NFATC2: variants seen among roughly 807,000 people sequenced by gnomAD.
NFATC2 encodes nuclear factor of activated T-cells, cytoplasmic 2.
Under a neutral mutation model 87.3 loss-of-function variants are expected in NFATC2, and 22 were observed. The observed-to-expected ratio is 0.25, with a 90% CI of 0.18 to 0.36. The LOEUF is 0.36. Among genes scored for constraint, NFATC2 ranks in the 10% least tolerant of loss-of-function variants. NFATC2 has a pLI of 1.00. For missense variants in NFATC2, 1,149 were observed against 1,259.1 expected (o/e 0.91, Z 1.32); for synonymous variants, 565 against 542.2 (o/e 1.04, Z -0.58).
At chr20:51,438,591 C>T (rs1444744420) in intron 6 of NFATC2, among the ~76,000 whole-genome samples, 1 of 152,150 alleles carries the variant, frequency 6.6e-6, no homozygotes, top group East Asian at 1.9e-4. Flanking sequence ...CAATAAGTGG[C>T]AGATGAAACA....
chr20:51,527,754 C>A (rs573614673), intron 1 of NFATC2, among the ~76,000 whole-genome samples: 1 of 152,240 alleles, frequency 6.6e-6, no homozygotes, highest in East Asian at 1.9e-4. Context: ...ATTCCAAACA[C>A]ACGTGCCCCC....
At chr20:51,400,857 G>A (rs974099387) in intron 9 of NFATC2, among the ~76,000 whole-genome samples, 1 of 151,924 alleles carries the variant, frequency 6.6e-6, no homozygotes, top group African/African-American at 2.4e-5. Flanking sequence ...CTAGCATTGG[G>A]TAGAGACCAG....
At chr20:51,529,955 T>C (rs1179054040) in intron 1 of NFATC2, among the ~76,000 whole-genome samples, 1 of 152,196 alleles carries the variant, frequency 6.6e-6, no homozygotes, top group East Asian at 1.9e-4. Context: ...GTATAACTCA[T>C]ATACACAGAT....
intron 3 of NFATC2, among the ~76,000 whole-genome samples, chr20:51,479,946 A>C (rs771980033): frequency 2.0e-5 from 3 of 152,182 alleles, no homozygotes; most frequent in Non-Finnish European, 4.4e-5. Context: ...CAGAAAGGGC[A>C]GGTCCTCAAA....
chr20:51,498,616 A>G (rs1398740744), intron 3 of NFATC2, among the ~76,000 whole-genome samples: 2 of 151,944 alleles, frequency 1.3e-5, no homozygotes, highest in African/African-American at 2.4e-5. Context: ...GCGAAACCCC[A>G]TCCTTACTAA....
At chr20:51,427,261 C>G (rs1981972289) in intron 9 of NFATC2, among the ~76,000 whole-genome samples, 4 of 152,126 alleles carry the variant, frequency 2.6e-5, no homozygotes, top group Admixed American at 2.6e-4. Flanking sequence ...CAGCACAGCT[C>G]CTAGAATGCA....
At position 51,432,448 on chromosome 20, in the gene NFATC2, G is replaced by T; in HGVS notation, c.2341C>A (p.His781Asn). The T allele has an allele frequency of 1.3e-6, 2 of 1,571,742 alleles. No individual in the cohort carries two copies. The highest frequency in any genetic ancestry group is 1.7e-6 in the Non-Finnish European group (2 of 1,157,084). ...CCGGCGTGCACCAGCACAGAGCGGT[G>T]AGCGTCCGCAAGGGACAGCGGGGCG... ...MAAPLSLADA[H>N]RSVLVHAGSQ... is the part of the protein sequence containing the mutation. The change falls in exon 9 of 11, where the codon CAC becomes AAC. Residue 781 changes from histidine (H) to asparagine (N), a missense_variant. Transcript: ENST00000371564. This position sits in a 1 kb window ranked among gnomAD's most constrained non-coding sequence, Gnocchi z 4.6.
chr20:51,502,777 G>A (rs1304247659), intron 3 of NFATC2, among the ~76,000 whole-genome samples: 6 of 152,172 alleles, frequency 3.9e-5, no homozygotes, highest in African/African-American at 1.4e-4. Flanking sequence ...ACCTGATACA[G>A]GTTCCAAAAA....
rs1402394916 is a variant in NFATC2, at chr20:51,454,691, G to A, written c.1709-3C>T. On this transcript the variant is annotated splice_region_variant and splice_polypyrimidine_tract_variant and intron_variant, in intron 5 of 10. Transcript: ENST00000371564. ...CAGCTCGTGAGCAGATCGCTGGGCT[G>A]CAGGCAAAAGAGAGAGAAGTCACTG... 3.1e-6 allele frequency: 5 copies of A among 1,613,522 alleles called. No homozygotes were observed. Among genetic ancestry groups the A allele is most frequent in the Admixed American group, 1.7e-5 (1 of 59,940 alleles).
At position 51,464,862 on chromosome 20, in the gene NFATC2, C is replaced by G. The variant is rs1987518210; in HGVS notation, c.1708+9118G>C. 3.3e-5 allele frequency among the ~76,000 whole-genome samples: 5 copies of G among 152,236 alleles called. No homozygotes were observed. In the South Asian group the frequency reaches 1.0e-3, roughly 32 times the overall value. On this transcript the variant is annotated intron_variant, in intron 5 of 10. Coordinates refer to ENST00000371564, the MANE Select transcript of NFATC2 (RefSeq NM_012340.5). ...TTACCACTGGCTTGCCCCTCACTAG[C>G]TGGATGGCCACAGGCAAGCTCACTT...
intron 6 of NFATC2, among the ~76,000 whole-genome samples, chr20:51,436,102 T>C (rs1440931744): frequency 2.6e-5 from 4 of 152,076 alleles, no homozygotes; most frequent in Non-Finnish European, 5.9e-5. Flanking sequence ...TGAGGACTAA[T>C]GTAGGTGGGA....
At chr20:51,556,849 C>T (rs2076982737) in intron 1 of NFATC2, among the ~76,000 whole-genome samples, 1 of 152,156 alleles carries the variant, frequency 6.6e-6, no homozygotes, top group African/African-American at 2.4e-5. Context: ...AGGAAAGGAG[C>T]CCCGGATAGG....
chr20:51,542,577 T>C lies in NFATC2; in HGVS notation c.-78A>G. 1 of 1,255,034 alleles carries C rather than the reference T, an allele frequency of 8.0e-7. No homozygotes were observed. The highest frequency in any genetic ancestry group is 1.0e-6 in the Non-Finnish European group (1 of 996,288). The allele number at this position is 1,255,034 out of a possible 1,614,324, so 77.7% of individuals were successfully genotyped here. On this transcript the variant is annotated 5_prime_UTR_variant, in exon 1 of 11. Transcript: ENST00000371564. Reference sequence around the variant, plus strand: ...GCTCTGGGACCCCTCGCAGTGGGGCTGGCGGAGGCGGCTCGAGCGGCGGGG... The same window carrying C: ...GCTCTGGGACCCCTCGCAGTGGGGCCGGCGGAGGCGGCTCGAGCGGCGGGG...
chr20:51,433,758 CATGTGTGTGT>C (rs1332266360), intron 8 of NFATC2, among the ~76,000 whole-genome samples: 14 of 88,926 alleles, frequency 1.6e-4, no homozygotes, highest in African/African-American at 5.5e-4. Flanking sequence ...TTCATGCATG[CATGTGTGTGT>C]GTGTGTGTGT....
At chr20:51,487,647 A>T (rs1040618086) in intron 3 of NFATC2, among the ~76,000 whole-genome samples, 1 of 152,232 alleles carries the variant, frequency 6.6e-6, no homozygotes, top group Non-Finnish European at 1.5e-5. Context: ...GTGAAGAGGC[A>T]AAAGCTAGGG....
chr20:51,412,126 C>A (rs774820060), intron 9 of NFATC2, among the ~76,000 whole-genome samples: 2 of 152,120 alleles, frequency 1.3e-5, no homozygotes, highest in African/African-American at 4.8e-5. Flanking sequence ...ACAGAGGGGA[C>A]CCTGAACAGC....
At chr20:51,419,450 G>C (rs1433920801) in intron 9 of NFATC2, among the ~76,000 whole-genome samples, 1 of 152,136 alleles carries the variant, frequency 6.6e-6, no homozygotes, top group African/African-American at 2.4e-5. Context: ...CCATCCAGGA[G>C]CCATCTTGGA....
At chr20:51,402,759 A>AG (rs1568931941) in intron 9 of NFATC2, among the ~76,000 whole-genome samples, 1 of 152,200 alleles carries the variant, frequency 6.6e-6, no homozygotes, top group African/African-American at 2.4e-5. Context: ...AGCAGGTGGG[A>AG]GCAGTAAGAA....
Position 51,542,596 on chromosome 20 carries a change from G to A in NFATC2, c.-97C>T, listed in dbSNP as rs1277557052. On this transcript the variant is annotated 5_prime_UTR_variant, in exon 1 of 11. Transcript: ENST00000371564. ...TGGGGCTGGCGGAGGCGGCTCGAGC[G>A]GCGGGGTCCCTTTCCTCGTAGGGAC... 5 of 1,240,242 alleles carry A rather than the reference G, an allele frequency of 4.0e-6. No homozygotes were observed. The highest frequency in any genetic ancestry group is 4.0e-6 in the Non-Finnish European group (4 of 987,682). The allele number at this position is 1,240,242 out of a possible 1,614,324, so 76.8% of individuals were successfully genotyped here.
Sources: gnomAD v4.1 joint callset for allele counts (sites outside exome capture counted in the v4.1 genomes callset) on GRCh38, gnomAD v4.1.1 for gene constraint, Gnocchi (gnomAD v3.1) non-coding constraint, MANE v1.5 for transcripts, NCBI Gene and HGNC (gene_info 2026-07-23, HGNC 2026-07-21) for gene names.